The following GYS2 variants were observed in gnomAD, a reference collection of about 807,000 sequenced individuals.
GYS2 encodes glycogen [starch] synthase, liver.
GYS2 carries 80 observed loss-of-function variants against 85.6 expected under a neutral mutation model. The ratio of observed to expected loss-of-function variants is 0.93; its 90% CI spans 0.78 to 1.13. The LOEUF (loss-of-function observed/expected upper bound fraction) is 1.13, where lower values mean the gene tolerates loss of function less well. Among genes scored for constraint, GYS2 ranks in the 50% most tolerant of loss-of-function variants. The pLI, the probability that GYS2 is intolerant of heterozygous loss-of-function variation, is 0.00. For missense variants in GYS2, 881 were observed against 854.9 expected (o/e 1.03, Z -0.38); for synonymous variants, 328 against 300.7 (o/e 1.09, Z -0.94).
intron 2 of GYS2, among the ~76,000 whole-genome samples, chr12:21,576,522 C>A (rs1419112997): frequency 6.6e-6 from 1 of 152,112 alleles, no homozygotes; most frequent in East Asian, 1.9e-4. Flanking sequence ...TTCTGTAGTC[C>A]AATATGTATG....
chr12:21,594,712 G>A (rs1045016558), intron 1 of GYS2, among the ~76,000 whole-genome samples: 2 of 151,992 alleles, frequency 1.3e-5, no homozygotes, highest in Non-Finnish European at 2.9e-5. Context: ...TATCAAAATA[G>A]CAATGTCATT....
At chr12:21,545,889 C>T (rs1439331969) in intron 12 of GYS2, among the ~76,000 whole-genome samples, 1 of 152,184 alleles carries the variant, frequency 6.6e-6, no homozygotes, top group East Asian at 1.9e-4. Context: ...CTGTGTTACC[C>T]ATTACATATT....
At chr12:21,565,808 A>G (rs375224653) in intron 5 of GYS2, among the ~76,000 whole-genome samples, 3 of 70,150 alleles carry the variant, frequency 4.3e-5, no homozygotes, top group Non-Finnish European at 1.1e-4. Context: ...GTTCCCAAGT[A>G]GAAGACAATG....
At chr12:21,555,009 C>G (rs1565596873) in intron 11 of GYS2, among the ~76,000 whole-genome samples, 1 of 152,130 alleles carries the variant, frequency 6.6e-6, no homozygotes, top group African/African-American at 2.4e-5. Flanking sequence ...TTCCCTCATC[C>G]CTCCCTTCTG....
chr12:21,552,644 TATG>T (rs1199014897), intron 11 of GYS2, among the ~76,000 whole-genome samples: 10 of 152,232 alleles, frequency 6.6e-5, no homozygotes, highest in Admixed American at 6.5e-4. Flanking sequence ...GTGGCTGCCT[TATG>T]ATAATAAATG....
chr12:21,600,505 G>A (rs1183057706), intron 1 of GYS2, among the ~76,000 whole-genome samples: 1 of 152,054 alleles, frequency 6.6e-6, no homozygotes, highest in Non-Finnish European at 1.5e-5. Flanking sequence ...GATAAACATC[G>A]TTAGGTCTCG....
At chr12:21,583,637 C>T (rs1565608892) in intron 1 of GYS2, among the ~76,000 whole-genome samples, 1 of 152,216 alleles carries the variant, frequency 6.6e-6, no homozygotes, top group Non-Finnish European at 1.5e-5. Context: ...GATTTTGGAG[C>T]AAGGCCCTGC....
At chr12:21,535,722 C>A (rs1385197729), downstream of GYS2, among the ~76,000 whole-genome samples, 2 of 152,084 alleles carry the variant, frequency 1.3e-5, no homozygotes, top group Non-Finnish European at 2.9e-5. Flanking sequence ...ACTGAGAAGA[C>A]CAAAACTTTT....
intron 1 of GYS2, among the ~76,000 whole-genome samples, chr12:21,594,600 C>T (rs975062023): frequency 6.6e-6 from 1 of 151,970 alleles, no homozygotes; most frequent in African/African-American, 2.4e-5. Flanking sequence ...TTGAAAAGGA[C>T]AGAAACAAAT....
intron 2 of GYS2, among the ~76,000 whole-genome samples, chr12:21,577,439 A>G (rs1205139823): frequency 1.3e-5 from 2 of 152,198 alleles, no homozygotes; most frequent in African/African-American, 4.8e-5. Context: ...AAATATCCCT[A>G]CACTAGAAAG....
intron 4 of GYS2, among the ~76,000 whole-genome samples, chr12:21,570,732 C>G (rs79814023): frequency 0.024 from 3,604 of 152,234 alleles, 155 homozygotes; most frequent in African/African-American, 0.082. Flanking sequence ...AGAGGCTGGT[C>G]GGATACAATA....
At chr12:21,571,342 A>G (rs1944382745) in intron 4 of GYS2, among the ~76,000 whole-genome samples, 1 of 152,236 alleles carries the variant, frequency 6.6e-6, no homozygotes, top group South Asian at 2.1e-4. Context: ...AAATCTCTGT[A>G]CAATAATTCC....
downstream of GYS2, among the ~76,000 whole-genome samples, chr12:21,533,785 A>G (rs1045185318): frequency 2.0e-5 from 3 of 152,222 alleles, no homozygotes; most frequent in Non-Finnish European, 4.4e-5. Flanking sequence ...AGGCTGCTAA[A>G]ACAAAATACC....
chr12:21,583,301 T>C (rs774662245), intron 1 of GYS2, among the ~76,000 whole-genome samples: 14 of 152,232 alleles, frequency 9.2e-5, no homozygotes, highest in Non-Finnish European at 1.9e-4. Flanking sequence ...ATATTCCTTC[T>C]AAAGTGAAGG....
At chr12:21,533,777 G>C (rs1943886059), downstream of GYS2, among the ~76,000 whole-genome samples, 1 of 152,132 alleles carries the variant, frequency 6.6e-6, no homozygotes, top group South Asian at 2.1e-4. Flanking sequence ...ATCAGTTCAG[G>C]CTGCTAAAAC....
At chr12:21,585,577 A>G (rs1944563379) in intron 1 of GYS2, among the ~76,000 whole-genome samples, 3 of 151,864 alleles carry the variant, frequency 2.0e-5, no homozygotes, top group Admixed American at 2.0e-4. Context: ...AAAAAAAAAA[A>G]AGACAAGACC....
intron 1 of GYS2, among the ~76,000 whole-genome samples, chr12:21,601,115 A>C (rs1381345392): frequency 6.6e-6 from 1 of 152,028 alleles, no homozygotes; most frequent in African/African-American, 2.4e-5. Context: ...ATTTCTCCAG[A>C]GTTTGTAATG....
chr12:21,551,273 C>T (rs1944108059), intron 11 of GYS2, among the ~76,000 whole-genome samples: 1 of 149,544 alleles, frequency 6.7e-6, no homozygotes, highest in Non-Finnish European at 1.5e-5. Context: ...CATGTTTATT[C>T]ACGAAATAAT....
intron 7 of GYS2, among the ~76,000 whole-genome samples, chr12:21,562,686 C>T (rs1455053789): frequency 2.9e-5 from 3 of 103,244 alleles, no homozygotes. Context: ...ATGGGATAAG[C>T]TTAAGATTCT....
Sources: gnomAD v4.1 joint callset for allele counts (sites outside exome capture counted in the v4.1 genomes callset) on GRCh38, gnomAD v4.1.1 for gene constraint, MANE v1.5 for transcripts, NCBI Gene and HGNC (gene_info 2026-07-23, HGNC 2026-07-21) for gene names.